Variants in NEMF observed in about 807,000 individuals in gnomAD.
NEMF encodes nuclear export mediator factor, also known as ribosome quality control complex subunit NEMF.
In NEMF, 89 loss-of-function variants were observed where a neutral mutation model predicts 162.2. The ratio of observed to expected loss-of-function variants is 0.55; its 90% CI spans 0.46 to 0.65. The LOEUF (loss-of-function observed/expected upper bound fraction) is 0.65, where lower values mean the gene tolerates loss of function less well. Among genes scored for constraint, NEMF ranks in the 30% least tolerant of loss-of-function variants. NEMF has a pLI of 0.00. For missense variants in NEMF, 1,133 were observed against 1,261.9 expected, an observed-to-expected ratio of 0.90 and a Z score of 1.55; for synonymous variants, 421 against 404.5, an observed-to-expected ratio of 1.04 and a Z score of -0.49.
chr14:49,840,461 CAAAA>C (rs10706756), intron 5 of NEMF, among the ~76,000 whole-genome samples: 2 of 140,824 alleles, frequency 1.4e-5, no homozygotes, highest in Admixed American at 7.0e-5. Context: ...GACTCCATCT[CAAAA>C]AAAAAAAAAA....
At position 49,842,225 on chromosome 14, in the gene NEMF, G is replaced by GA. The variant is rs550859331; in HGVS notation, c.358-1360dup. Among the ~76,000 whole-genome samples, 6 of 15,364 alleles carry GA rather than the reference G, an allele frequency of 3.9e-4. No individual in the cohort carries two copies. In the East Asian group the frequency reaches 0.042, roughly 108 times the overall value. The allele number at this position is 15,364 out of a possible 152,430, so 10.1% of individuals were successfully genotyped here. A position where few individuals can be genotyped will look rare whatever the true frequency, so the allele number is the denominator to read the frequency against. ...GCTCAACACAACAAAATAGTAGAAA[G>GA]AGGTTACCTAATGGAAACAATGTTA... On this transcript the variant is annotated intron_variant, in intron 4 of 32. Coordinates refer to ENST00000298310, the MANE Select transcript of NEMF (RefSeq NM_004713.6).
intron 19 of NEMF, among the ~76,000 whole-genome samples, chr14:49,805,451 T>A (rs1891142490): frequency 6.6e-6 from 1 of 151,168 alleles, no homozygotes; most frequent in Non-Finnish European, 1.5e-5. Flanking sequence ...CCACTTAAGG[T>A]CAGGAATTCG....
At chr14:49,802,772 C>A in intron 20 of NEMF, 45 bp from the exon 21 acceptor site, 1 of 1,487,536 alleles carries the variant, frequency 6.7e-7, no homozygotes, top group South Asian at 1.2e-5. Context: ...TCAGTCTTCT[C>A]CATTTTTTGC....
intron 28 of NEMF, among the ~76,000 whole-genome samples, chr14:49,788,478 T>TA (rs1483492839): frequency 6.6e-6 from 1 of 151,940 alleles, no homozygotes; most frequent in Non-Finnish European, 1.5e-5. Flanking sequence ...CCATATGGCA[T>TA]AGATTCCTAT....
chr14:49,845,664 A>G (rs1893463974), intron 4 of NEMF, among the ~76,000 whole-genome samples: 1 of 152,218 alleles, frequency 6.6e-6, no homozygotes. Flanking sequence ...GTTAAAAACT[A>G]ACACACAAAC....
chr14:49,825,937 T>C lies in NEMF; in HGVS notation c.1507A>G (p.Lys503Glu). ...TCTTTTAATGTTTGCTTTGTTTTCT[T>C]TTCTGCTGACTTGAATGCCTATTTA... ...AAEKAFKSAE[K>E]KTKQTLKEVQ... The change falls in exon 16 of 33, where the codon AAG becomes GAG. Residue 503 changes from lysine (K) to glutamate (E), a missense_variant. Transcript: ENST00000298310. 1 of 1,611,008 alleles carries C rather than the reference T, an allele frequency of 6.2e-7. No individual in the cohort carries two copies. The highest frequency in any genetic ancestry group is 8.5e-7 in the Non-Finnish European group (1 of 1,177,784).
At position 49,806,102 on chromosome 14, in the gene NEMF, T is replaced by G; in HGVS notation, c.1776A>C (p.Glu592Asp). 1 of 1,612,378 alleles carries G rather than the reference T, an allele frequency of 6.2e-7. No individual in the cohort carries two copies. Among genetic ancestry groups the G allele is most frequent in the Non-Finnish European group, 8.5e-7 (1 of 1,179,528 alleles). Reference sequence around the variant, plus strand: ...TGTAGCAAAGTGCCATTGTGCCAGCTTCAGTCAAGGTCCGTGGGGGGATGG... The same window carrying G: ...TGTAGCAAAGTGCCATTGTGCCAGCGTCAGTCAAGGTCCGTGGGGGGATGG... ...GEPIPPRTLT[E>D]AGTMALCYSA... The change falls in exon 19 of 33, where the codon GAA becomes GAC. Residue 592 changes from glutamate (E) to aspartate (D), a missense_variant. Physicochemically the swap from Glu to Asp is conservative, Grantham distance 45. Around this residue, in one of 3 missense-constraint regions of NEMF, gnomAD observed 532 missense variants for 578.6 expected, o/e 0.92. Coordinates refer to ENST00000298310, the MANE Select transcript of NEMF (RefSeq NM_004713.6).
At chr14:49,812,698 AC>A (rs921626267) in intron 18 of NEMF, among the ~76,000 whole-genome samples, 3 of 152,080 alleles carry the variant, frequency 2.0e-5, no homozygotes, top group Non-Finnish European at 4.4e-5. Flanking sequence ...CCACATACTT[AC>A]GAATTTAAAA....
At chr14:49,845,698 C>G (rs1893465666) in intron 4 of NEMF, among the ~76,000 whole-genome samples, 1 of 152,158 alleles carries the variant, frequency 6.6e-6, no homozygotes, top group Non-Finnish European at 1.5e-5. Context: ...TAGGCCTACA[C>G]AGAGTCAGGA....
chr14:49,838,860 A>G (rs1169819749), intron 5 of NEMF, among the ~76,000 whole-genome samples: 2 of 152,112 alleles, frequency 1.3e-5, no homozygotes, highest in African/African-American at 4.8e-5. Context: ...GTGGGATTAC[A>G]GGCGTGAGAC....
At chr14:49,841,268 G>C (rs1241082797) in intron 4 of NEMF, among the ~76,000 whole-genome samples, 1 of 148,330 alleles carries the variant, frequency 6.7e-6, no homozygotes, top group Non-Finnish European at 1.5e-5. Context: ...AATCATTTTT[G>C]AGACTACTTA....
chr14:49,795,295 G>A (rs925604716), intron 26 of NEMF, among the ~76,000 whole-genome samples: 3 of 132,474 alleles, frequency 2.3e-5, no homozygotes, highest in Non-Finnish European at 3.1e-5. Context: ...AGCCCTGACT[G>A]CACCACTGCA....
chr14:49,803,106 A>G lies in NEMF; in HGVS notation c.1915+131T>C, dbSNP rs1218215644. 6 of 671,584 alleles carry G rather than the reference A, an allele frequency of 8.9e-6. No individual in the cohort carries two copies. In the African/African-American group the frequency reaches 1.1e-4, roughly 12 times the overall value. The allele number at this position is 671,584 out of a possible 1,614,324, so 41.6% of individuals were successfully genotyped here. On this transcript the variant is annotated intron_variant, in intron 20 of 32. Coordinates refer to ENST00000298310, the MANE Select transcript of NEMF (RefSeq NM_004713.6). ...GTCACACCAAGGCAAAAATTTCTTT[A>G]CTTCATAGCAGACTTCACATAGGAA...
Position 49,795,856 on chromosome 14 carries a change from T to C in NEMF, c.2554A>G (p.Ile852Val). 1.9e-6 allele frequency: 3 copies of C among 1,613,542 alleles called. No homozygotes were observed. The highest frequency in any genetic ancestry group is 2.5e-6 in the Non-Finnish European group (3 of 1,179,702). The change falls in exon 26 of 33, where the codon ATT becomes GTT. Residue 852 changes from isoleucine to valine, a missense_variant. This residue lies in a region of NEMF where 532 missense variants were observed against 578.6 expected (regional missense o/e 0.92). Coordinates refer to ENST00000298310, the MANE Select transcript of NEMF (RefSeq NM_004713.6). ...TTGCTTGTGTTCTGATGAGTTTCAA[T>C]GTGTACAGTACTTTCTTTTTCTTTA... ...KDKEKESTVH[I>V]ETHQNTSKNV...
At chr14:49,790,950 G>T (rs1046053289) in intron 26 of NEMF, among the ~76,000 whole-genome samples, 1 of 151,670 alleles carries the variant, frequency 6.6e-6, no homozygotes, top group Non-Finnish European at 1.5e-5. Flanking sequence ...CCGAGATCAT[G>T]CTATTGCACT....
rs747422260 is a variant in NEMF, at chr14:49,799,469, GT to G, written c.2465+5del. The G allele has an allele frequency of 1.2e-6, 2 of 1,605,786 alleles. No homozygotes were observed. The highest frequency in any genetic ancestry group is 2.2e-5 in the South Asian group (2 of 89,160). On this transcript the variant is annotated splice_donor_5th_base_variant and intron_variant, in intron 25 of 32. Transcript: ENST00000298310. ...CTTTTTAGTTAATTAACACAGATGT[GT>G]TTACCTTCTTTCCTTGGCTGACAAA...
At chr14:49,827,195 T>C (rs1361130508) in intron 15 of NEMF, among the ~76,000 whole-genome samples, 1 of 152,200 alleles carries the variant, frequency 6.6e-6, no homozygotes, top group Admixed American at 6.5e-5. Flanking sequence ...TTTATTTTAA[T>C]ATATTTTTTG....
intron 3 of NEMF, chr14:49,849,714 T>A (rs1197135938): frequency 6.6e-6 from 1 of 152,192 alleles, no homozygotes; most frequent in Non-Finnish European, 1.5e-5. Context: ...AAAACTGAAA[T>A]TGTATTTGTT....
In NEMF at chr14:49,785,083, T is replaced by C. The variant is rs1358255894; in HGVS notation, c.3073+9A>G. ...TAAAATCATAATTCAAAAAAACAAA[T>C]TTAAATACCTTTTCCCTTTTTCTGC... is the stretch of plus-strand genomic sequence containing the variant. On this transcript the variant is annotated intron_variant, in intron 31 of 32. Transcript: ENST00000298310. 1 of 1,606,720 alleles carries C rather than the reference T, an allele frequency of 6.2e-7. No homozygotes were observed. The highest frequency in any genetic ancestry group is 8.5e-7 in the Non-Finnish European group (1 of 1,173,532).
Sources: allele counts gnomAD v4.1 joint callset (sites outside exome capture counted in the v4.1 genomes callset), GRCh38; gene constraint gnomAD v4.1.1; regional missense constraint gnomAD v4.1.1; transcripts MANE v1.5; gene names NCBI Gene and HGNC (gene_info 2026-07-23, HGNC 2026-07-21).